CADM2: variants seen among roughly 807,000 people sequenced by gnomAD.
CADM2 encodes cell adhesion molecule 2.
In CADM2, 12 loss-of-function variants were observed where a neutral mutation model predicts 49.8. The ratio of observed to expected loss-of-function variants is 0.24; its 90% CI spans 0.15 to 0.39. CADM2 has a LOEUF of 0.39. Among genes scored for constraint, CADM2 ranks in the 10% least tolerant of loss-of-function variants. The pLI is 1.00. For missense variants in CADM2, 378 were observed against 492.3 expected (o/e 0.77, Z 2.20); for synonymous variants, 214 against 175.4 (o/e 1.22, Z -1.74).
At chr3:85,275,938 A>G (rs1219123535) in intron 1 of CADM2, among the ~76,000 whole-genome samples, 1 of 151,252 alleles carries the variant, frequency 6.6e-6, no homozygotes, top group Non-Finnish European at 1.5e-5. Context: ...AAAAATGAGA[A>G]CTATTATTGG....
chr3:86,037,983 A>G (rs1276502879), intron 8 of CADM2, among the ~76,000 whole-genome samples: 1 of 151,894 alleles, frequency 6.6e-6, no homozygotes, highest in Non-Finnish European at 1.5e-5. Context: ...ATCTCCCTCC[A>G]TTTGCCCCCA....
chr3:86,034,078 A>G (rs1309670034), intron 8 of CADM2, among the ~76,000 whole-genome samples: 2 of 151,774 alleles, frequency 1.3e-5, no homozygotes, highest in East Asian at 3.9e-4. Context: ...CCGTTTACAG[A>G]GATTAAAAAT....
chr3:85,048,584 T>C (rs73843271), intron 1 of CADM2, among the ~76,000 whole-genome samples: 1 of 152,252 alleles, frequency 6.6e-6, no homozygotes, highest in African/African-American at 2.4e-5. Flanking sequence ...GGACTTAAAT[T>C]AGGACAATTT....
At chr3:85,826,231 C>A (rs1195731938) in intron 3 of CADM2, among the ~76,000 whole-genome samples, 1 of 151,952 alleles carries the variant, frequency 6.6e-6, no homozygotes, top group African/African-American at 2.4e-5. Context: ...TTCTGCGATA[C>A]CAATGAGTTA....
At chr3:85,765,693 A>G (rs983300471) in intron 2 of CADM2, among the ~76,000 whole-genome samples, 1 of 151,752 alleles carries the variant, frequency 6.6e-6, no homozygotes, top group Non-Finnish European at 1.5e-5. Context: ...TTTATCATGT[A>G]TTTCTTATTT....
intron 7 of CADM2, among the ~76,000 whole-genome samples, chr3:85,942,603 C>A (rs1322841746): frequency 6.6e-6 from 1 of 150,686 alleles, no homozygotes; most frequent in African/African-American, 2.4e-5. Context: ...TTTGTTCTTG[C>A]GATAGTTTAC....
At chr3:85,475,606 C>A (rs2107616962) in intron 1 of CADM2, among the ~76,000 whole-genome samples, 1 of 151,890 alleles carries the variant, frequency 6.6e-6, no homozygotes, top group Middle Eastern at 3.4e-3. Context: ...ATTAAACTAT[C>A]ATTAATCTTA....
At chr3:85,552,970 C>A (rs1251927131) in intron 1 of CADM2, among the ~76,000 whole-genome samples, 2 of 152,126 alleles carry the variant, frequency 1.3e-5, no homozygotes, top group African/African-American at 2.4e-5. Context: ...AGCCTCCAGT[C>A]CTGGCCTCTT....
chr3:85,608,938 A>C (rs1267691328), intron 1 of CADM2, among the ~76,000 whole-genome samples: 1 of 152,162 alleles, frequency 6.6e-6, no homozygotes, highest in Non-Finnish European at 1.5e-5. Context: ...AGTAAGATTC[A>C]AGTCAAATCA....
chr3:84,988,747 T>C (rs1575982017), intron 1 of CADM2, among the ~76,000 whole-genome samples: 2 of 152,168 alleles, frequency 1.3e-5, no homozygotes, highest in East Asian at 3.8e-4. Flanking sequence ...GCTTTAAACA[T>C]TTTTTCATCC....
intron 1 of CADM2, among the ~76,000 whole-genome samples, chr3:85,141,370 C>G (rs368439660): frequency 1.3e-5 from 2 of 152,096 alleles, no homozygotes; most frequent in Non-Finnish European, 2.9e-5. Flanking sequence ...ATACTTAACA[C>G]ATGTAAAGTG....
At chr3:85,381,368 G>T (rs1484642152) in intron 1 of CADM2, among the ~76,000 whole-genome samples, 1 of 150,288 alleles carries the variant, frequency 6.7e-6, no homozygotes, top group African/African-American at 2.4e-5. Context: ...TCCCTTGAGA[G>T]TTGATACTGA....
At chr3:85,814,854 CTTCTA>C (rs1207008111) in intron 3 of CADM2, among the ~76,000 whole-genome samples, 6 of 151,868 alleles carry the variant, frequency 4.0e-5, no homozygotes, top group South Asian at 4.2e-4. Flanking sequence ...TCTATACAAA[CTTCTA>C]TTCTATAGTA....
At chr3:85,951,505 C>A (rs1723417810) in intron 7 of CADM2, among the ~76,000 whole-genome samples, 2 of 150,854 alleles carry the variant, frequency 1.3e-5, no homozygotes, top group African/African-American at 4.8e-5. Context: ...AGGGTACTAA[C>A]TATATTAAGA....
chr3:84,992,272 TA>T (rs1436051286), intron 1 of CADM2, among the ~76,000 whole-genome samples: 1 of 152,184 alleles, frequency 6.6e-6, no homozygotes, highest in Non-Finnish European at 1.5e-5. Context: ...AAGTTTATTT[TA>T]AAAGCCTTGA....
chr3:85,068,250 A>T (rs962151277), intron 1 of CADM2, among the ~76,000 whole-genome samples: 1 of 152,152 alleles, frequency 6.6e-6, no homozygotes, highest in Non-Finnish European at 1.5e-5. Context: ...GGTAACATTC[A>T]TCAATCTATC....
intron 1 of CADM2, among the ~76,000 whole-genome samples, chr3:85,140,412 G>A (rs918450970): frequency 2.6e-5 from 4 of 152,130 alleles, no homozygotes; most frequent in Admixed American, 1.3e-4. Context: ...AAGGAAAGTG[G>A]AAATGGACAG....
intron 1 of CADM2, among the ~76,000 whole-genome samples, chr3:85,587,854 C>A (rs1324389506): frequency 1.3e-5 from 2 of 152,012 alleles, no homozygotes; most frequent in Non-Finnish European, 2.9e-5. Flanking sequence ...AAGCTATCCT[C>A]CCACCTCAGC....
chr3:85,189,067 AAAT>A (rs1332561906), intron 1 of CADM2, among the ~76,000 whole-genome samples: 4 of 106,914 alleles, frequency 3.7e-5, no homozygotes, highest in Non-Finnish European at 5.6e-5. Flanking sequence ...TAAATAAAAT[AAAT>A]AAATAAATAA....
Sources: gnomAD v4.1 joint callset for allele counts (sites outside exome capture counted in the v4.1 genomes callset) on GRCh38, gnomAD v4.1.1 for gene constraint, MANE v1.5 for transcripts, NCBI Gene and HGNC (gene_info 2026-07-23, HGNC 2026-07-21) for gene names.